Variants in RNF213 observed in about 807,000 individuals in gnomAD.
The protein encoded by RNF213 is ring finger protein 213, also known as E3 ubiquitin-protein ligase RNF213.
RNF213 carries 341 observed loss-of-function variants against 514.4 expected under a neutral mutation model. The observed-to-expected ratio is 0.66, with a 90% confidence interval of 0.61 to 0.73. The LOEUF (loss-of-function observed/expected upper bound fraction) is 0.73, where lower values mean the gene tolerates loss of function less well. Among genes scored for constraint, RNF213 ranks in the 30% least tolerant of loss-of-function variants. The probability of loss-of-function intolerance (pLI) is 0.00; values close to 1 mark genes in which losing one functional copy is unlikely to be tolerated. For missense variants in RNF213, 5,767 were observed against 6,615.6 expected (o/e 0.87, Z 4.45); for synonymous variants, 2,655 against 2,658.2 (o/e 1.00, Z 0.04).
intron 37 of RNF213, 140 bp downstream of exon 37, chr17:80,358,619 T>C (rs2078923519): frequency 9.0e-6 from 7 of 774,938 alleles, no homozygotes; most frequent in East Asian, 2.8e-5. Flanking sequence ...GCAGTAACAA[T>C]AGGAAGTTTG....
At chr17:80,328,248 G>A in intron 19 of RNF213, 80 bp from the exon 20 acceptor site, 1 of 1,447,452 alleles carries the variant, frequency 6.9e-7, no homozygotes, top group Non-Finnish European at 9.2e-7. Context: ...CGGGGAAGGT[G>A]CGGCGCTTTC....
chr17:80,377,062 G>T lies in RNF213; in HGVS notation c.13510+99G>T. The T allele has an allele frequency of 1.1e-6, 1 of 935,516 alleles. No homozygotes were observed. The highest frequency in any genetic ancestry group is 1.7e-6 in the Non-Finnish European group (1 of 589,968). 58.0% of individuals were successfully genotyped at this position (935,516 alleles called of 1,614,324 possible). A position where few individuals can be genotyped will look rare whatever the true frequency, so the allele number is the denominator to read the frequency against. ...GTTCGACTTGGGGTCCACGTGGTTT[G>T]TGCCTCAGGGTCCAAAACCACCTGC... On this transcript the variant is annotated intron_variant, in intron 53 of 67. Coordinates refer to ENST00000582970, the MANE Select transcript of RNF213 (RefSeq NM_001256071.3). The surrounding 1 kb of genome is among the most constrained non-coding windows in gnomAD (Gnocchi z 4.1).
chr17:80,276,392 G>A (rs889944723), intron 3 of RNF213, among the ~76,000 whole-genome samples: 19 of 147,834 alleles, frequency 1.3e-4, no homozygotes, highest in African/African-American at 4.2e-4. Flanking sequence ...GAGCCACCAC[G>A]CCTGCCCTAT....
intron 38 of RNF213, chr17:80,360,535 G>T: frequency 7.8e-6 from 3 of 383,050 alleles, no homozygotes; most frequent in Non-Finnish European, 1.5e-5. Context: ...TCTATCAGCT[G>T]GTCATTCCCA....
intron 42 of RNF213, among the ~76,000 whole-genome samples, chr17:80,367,521 A>C (rs1021128687): frequency 1.3e-5 from 2 of 152,216 alleles, no homozygotes; most frequent in African/African-American, 4.8e-5. Flanking sequence ...AAAGAAAAAG[A>C]AGAGGGAAAA....
At position 80,379,620 on chromosome 17, in the gene RNF213, T is replaced by G. The variant is rs142869211; in HGVS notation, c.13546T>G (p.Cys4516Gly). The change falls in exon 55 of 68, where the codon TGT becomes GGT. Residue 4516 changes from cysteine (C) to glycine (G), a missense_variant and splice_region_variant. Cys to Gly is a radical substitution (Grantham distance 159). This residue lies in a region of RNF213 where 1,245 missense variants were observed against 1,339.0 expected (regional missense o/e 0.93). Coordinates refer to ENST00000582970, the MANE Select transcript of RNF213 (RefSeq NM_001256071.3). ...TTCTAGTGCCCTGTCTTCACCCTAG[T>G]GTGGCAGGCCGATGGAACAGAGCAT... ...PNGHPCSVGE[C>G]GRPMEQSICI... 6.2e-7 allele frequency: 1 copy of G among 1,614,064 alleles called. No individual in the cohort carries two copies. Among genetic ancestry groups the G allele is most frequent in the Non-Finnish European group, 8.5e-7 (1 of 1,179,898 alleles).
Position 80,289,812 on chromosome 17 carries a change from G to A in RNF213, c.1087G>A (p.Ala363Thr). 1 of 1,612,076 alleles carries A rather than the reference G, an allele frequency of 6.2e-7. No homozygotes were observed. Among genetic ancestry groups the A allele is most frequent in the Non-Finnish European group, 8.5e-7 (1 of 1,179,308 alleles). The change falls in exon 6 of 68, where the codon GCA becomes ACA. Residue 363 changes from alanine to threonine, a missense_variant. Ala to Thr is a moderately conservative substitution (Grantham distance 58). Around this residue, in one of 13 missense-constraint regions of RNF213, gnomAD observed 509 missense variants for 496.7 expected, o/e 1.02. Coordinates refer to ENST00000582970, the MANE Select transcript of RNF213 (RefSeq NM_001256071.3). ...CGAGAAGGAGCAAAAAAACCAGGAA[G>A]CAGATGTCCAGGAAGTGAAGGCAAG... Reference protein sequence around the residue: ...KNEKEQKNQEADVQEVKASTL... With the variant: ...KNEKEQKNQETDVQEVKASTL...
chr17:80,307,278 T>G, intron 13 of RNF213, 77 bp downstream of exon 13: 2 of 1,220,872 alleles, frequency 1.6e-6, no homozygotes, highest in Non-Finnish European at 2.4e-6. Flanking sequence ...TAATTGGCCG[T>G]GACCCACATG....
intron 67 of RNF213, among the ~76,000 whole-genome samples, chr17:80,391,782 TTTTTTTG>T (rs2080484161): frequency 7.1e-6 from 1 of 140,912 alleles, no homozygotes; most frequent in South Asian, 2.4e-4. Flanking sequence ...TTTTTTTTTT[TTTTTTTG>T]AGATGGAGTC....
At chr17:80,380,632 C>T (rs978267415) in intron 55 of RNF213, among the ~76,000 whole-genome samples, 199 bp from the exon 56 acceptor site, 1 of 152,164 alleles carries the variant, frequency 6.6e-6, no homozygotes, top group Admixed American at 6.5e-5. Flanking sequence ...GCTGAGAATG[C>T]GGTCGGGTCT....
rs2045045404 is a variant in RNF213 at position 80,298,484 on chromosome 17, T to C, written c.2176T>C (p.Ser726Pro). The C allele has an allele frequency of 6.2e-7, 1 of 1,614,172 alleles. No homozygotes were observed. The highest frequency in any genetic ancestry group is 8.5e-7 in the Non-Finnish European group (1 of 1,180,026). ...EDTWAALEGLSFSPFREQMLD... is the reference protein window; with the variant it reads ...EDTWAALEGLPFSPFREQMLD... Reference sequence around the variant, plus strand: ...CACCTGGGCCGCTCTGGAGGGACTCTCCTTCTCACCGTTCCGGGAACAAAT... The same window carrying C: ...CACCTGGGCCGCTCTGGAGGGACTCCCCTTCTCACCGTTCCGGGAACAAAT... Residue 726 changes from serine to proline, a missense_variant, in exon 11 of 68, where the codon TCC becomes CCC. Ser to Pro is a moderately conservative substitution (Grantham distance 74, BLOSUM62 -1). Coordinates refer to ENST00000582970, the MANE Select transcript of RNF213 (RefSeq NM_001256071.3).
intron 3 of RNF213, among the ~76,000 whole-genome samples, chr17:80,281,312 CCCACTCACA>C (rs1222636114): frequency 3.2e-5 from 3 of 93,992 alleles, no homozygotes. Context: ...ACACACATAC[CCCACTCACA>C]CCACTCACAC....
chr17:80,367,477 T>C (rs565855968), intron 42 of RNF213, among the ~76,000 whole-genome samples: 9 of 152,208 alleles, frequency 5.9e-5, no homozygotes, highest in Non-Finnish European at 8.8e-5. Flanking sequence ...TACTTAAAGT[T>C]TGAAATATCT....
rs148408469 is a variant in RNF213, at chr17:80,347,429, G to A, written c.9094G>A (p.Gly3032Arg). The A allele has an allele frequency of 3.1e-6, 5 of 1,614,000 alleles. No individual in the cohort carries two copies. Among genetic ancestry groups the A allele is most frequent in the Admixed American group, 1.7e-5 (1 of 60,020 alleles). The change falls in exon 29 of 68, where the codon GGA becomes AGA. Residue 3032 changes from glycine to arginine, a missense_variant. Physicochemically the swap from Gly to Arg is moderately radical, Grantham distance 125 (BLOSUM62 -2). Transcript: ENST00000582970. This position sits in a 1 kb window ranked among gnomAD's most constrained non-coding sequence, Gnocchi z 7.2. ...IFGPSQKVPG[G>R]EQEDAESRYL... Reference sequence around the variant, plus strand: ...TGGGCCTTCTCAGAAGGTGCCGGGTGGAGAGCAGGAAGATGCTGAGTCCCG... The same window carrying A: ...TGGGCCTTCTCAGAAGGTGCCGGGTAGAGAGCAGGAAGATGCTGAGTCCCG...
At chr17:80,261,150 G>T (rs919171260) in intron 1 of RNF213, among the ~76,000 whole-genome samples, 1 of 152,050 alleles carries the variant, frequency 6.6e-6, no homozygotes, top group African/African-American at 2.4e-5. Context: ...GGCACGCCTG[G>T]GACCCCGGCG....
At chr17:80,310,987 C>T (rs2045551975) in intron 14 of RNF213, among the ~76,000 whole-genome samples, 1 of 152,182 alleles carries the variant, frequency 6.6e-6, no homozygotes. Context: ...GAATAAATGT[C>T]ATTGGTGAGA....
At chr17:80,361,649 C>A in intron 38 of RNF213, 85 bp from the exon 39 acceptor site, 3 of 1,499,980 alleles carry the variant, frequency 2.0e-6, no homozygotes, top group Non-Finnish European at 1.8e-6. Context: ...CGTCCCCATT[C>A]CCCTTCACTC....
rs778645648 is a variant in RNF213 at position 80,340,340 on chromosome 17, G to A, written c.5973G>A (p.Ser1991=). ...GGCTGTGTGTTGGGATCGTGGCCTC[G>A]GAGCGAGCAGGTGTTGGTAAGGAGA... is the stretch of plus-strand genomic sequence containing the variant. ...NDRLCVGIVA[S]ERAGVGKSLY... Residue 1991 remains serine, a synonymous_variant, in exon 26 of 68, where the codon TCG becomes TCA. Transcript: ENST00000582970. 31 of 1,612,208 alleles carry A rather than the reference G, an allele frequency of 1.9e-5. No homozygotes were observed. Among genetic ancestry groups the A allele is most frequent in the African/African-American group, 9.3e-5 (7 of 74,926 alleles).
intron 41 of RNF213, among the ~76,000 whole-genome samples, 164 bp from the exon 42 acceptor site, chr17:80,364,269 T>G (rs1226620885): frequency 1.3e-5 from 2 of 152,074 alleles, no homozygotes; most frequent in Non-Finnish European, 2.9e-5. Flanking sequence ...GAGCGAGAGC[T>G]GGGGGCGGGC....
Sources: gnomAD v4.1 joint callset for allele counts (sites outside exome capture counted in the v4.1 genomes callset) on GRCh38, gnomAD v4.1.1 for gene constraint, gnomAD v4.1.1 regional missense constraint, Gnocchi (gnomAD v3.1) non-coding constraint, MANE v1.5 for transcripts, NCBI Gene and HGNC (gene_info 2026-07-23, HGNC 2026-07-21) for gene names.